The following NEK6 variants were observed in gnomAD, a reference collection of about 807,000 sequenced individuals.
The protein encoded by NEK6 is serine/threonine-protein kinase Nek6.
In NEK6, 27 loss-of-function variants were observed where a neutral mutation model predicts 43.5. The ratio of observed to expected loss-of-function variants is 0.62; its 90% CI spans 0.46 to 0.86. The LOEUF (loss-of-function observed/expected upper bound fraction) is 0.86, where lower values mean the gene tolerates loss of function less well. Among genes scored for constraint, NEK6 ranks in the 40% least tolerant of loss-of-function variants. The pLI is 0.00. For missense variants in NEK6, 318 were observed against 414.4 expected, an observed-to-expected ratio of 0.77 and a Z score of 2.02; for synonymous variants, 167 against 164.1, an observed-to-expected ratio of 1.02 and a Z score of -0.14.
Position 124,351,886 on chromosome 9 carries a change from A to G in NEK6, c.*939A>G, listed in dbSNP as rs1041742498. 3 of 152,508 alleles carry G rather than the reference A, an allele frequency of 2.0e-5. No individual in the cohort carries two copies. Among genetic ancestry groups the G allele is most frequent in the African/African-American group, 7.2e-5 (3 of 41,444 alleles). The allele number at this position is 152,508 out of a possible 1,614,324, so 9.4% of individuals were successfully genotyped here. A position where few individuals can be genotyped will look rare whatever the true frequency, so the allele number is the denominator to read the frequency against. On this transcript the variant is annotated 3_prime_UTR_variant, in exon 10 of 10. Transcript: ENST00000320246. The stretch of plus-strand genomic sequence containing the variant: ...TGACAGACAGAATTTGAAATAAAAT[A>G]TGCAAGTTAGCTAATACAAAAAGTA...
At chr9:124,300,579 G>A (rs529330609) in intron 1 of NEK6, among the ~76,000 whole-genome samples, 146 of 152,164 alleles carry the variant, frequency 9.6e-4, no homozygotes, top group Non-Finnish European at 1.8e-3. Context: ...GGATATGTAG[G>A]CATGGGATTT....
intron 2 of NEK6, among the ~76,000 whole-genome samples, chr9:124,308,706 G>A (rs186854225): frequency 1.6e-4 from 24 of 151,674 alleles, no homozygotes; most frequent in African/African-American, 5.1e-4. Flanking sequence ...CGGGGTGGTC[G>A]GTCATTAGTC....
chr9:124,319,929 A>G lies in NEK6; in HGVS notation c.295-1530A>G, dbSNP rs567857829. ...GATTGCTTTGTGTGCCGCCTTCTGA[A>G]GTCTAGTCACCCTGTGTAAATTACC... On this transcript the variant is annotated intron_variant, in intron 4 of 9. Transcript: ENST00000320246. 3.3e-5 allele frequency among the ~76,000 whole-genome samples: 5 copies of G among 152,278 alleles called. No individual in the cohort carries two copies. The East Asian group carries it at 9.6e-4, about 29-fold the overall frequency.
At chr9:124,337,789 C>T (rs1829367371) in intron 7 of NEK6, among the ~76,000 whole-genome samples, 1 of 152,202 alleles carries the variant, frequency 6.6e-6, no homozygotes. Flanking sequence ...ATAGTGTTGG[C>T]AGTGTTTGGC....
At chr9:124,345,764 G>A (rs1210455139) in intron 8 of NEK6, among the ~76,000 whole-genome samples, 3 of 152,182 alleles carry the variant, frequency 2.0e-5, no homozygotes, top group Non-Finnish European at 4.4e-5. Context: ...CAACTCGGGG[G>A]CACCCAGATC....
chr9:124,266,223 C>G (rs577808770), intron 1 of NEK6, among the ~76,000 whole-genome samples: 1 of 152,158 alleles, frequency 6.6e-6, no homozygotes, highest in African/African-American at 2.4e-5. Context: ...ATGGCCTTAC[C>G]AGGCACTTAC....
intron 8 of NEK6, among the ~76,000 whole-genome samples, chr9:124,340,225 C>G (rs1054527668): frequency 2.0e-5 from 3 of 152,204 alleles, no homozygotes; most frequent in Admixed American, 6.5e-5. Flanking sequence ...GGGACAGGAA[C>G]ATTTCTGAGT....
chr9:124,326,210 C>CCCCCCCCCCCCCCCCCCCCCCCCCCA lies in NEK6; in HGVS notation c.406-117_406-116insCCCCCCCCCCCCCCCCCCCCCCACCC. On this transcript the variant is annotated intron_variant, in intron 5 of 9. Transcript: ENST00000320246. This position sits in a 1 kb window ranked among gnomAD's most constrained non-coding sequence, Gnocchi z 4.5. ...TTTGCTCAGTGGCTCAATCCCCCCC[C>CCCCCCCCCCCCCCCCCCCCCCCCCCA]CCCGCCCCTGCCAGGCACCAGTTAC... The CCCCCCCCCCCCCCCCCCCCCCCCCCA allele has an allele frequency of 5.1e-6, 1 of 197,118 alleles. No individual in the cohort carries two copies. Among genetic ancestry groups the CCCCCCCCCCCCCCCCCCCCCCCCCCA allele is most frequent in the Non-Finnish European group, 1.3e-5 (1 of 78,450 alleles). 12.2% of individuals were successfully genotyped at this position (197,118 alleles called of 1,614,324 possible).
chr9:124,322,484 C>T (rs1834117113), intron 5 of NEK6, among the ~76,000 whole-genome samples: 1 of 152,216 alleles, frequency 6.6e-6, no homozygotes, highest in South Asian at 2.1e-4. Context: ...TCCCCGCCGT[C>T]CTCAAATAGC....
In NEK6 at chr9:124,321,629, A is replaced by G. The variant is rs911232497; in HGVS notation, c.405+60A>G. 5 of 1,138,894 alleles carry G rather than the reference A, an allele frequency of 4.4e-6. 1 individual carries two copies. Among genetic ancestry groups the G allele is most frequent in the South Asian group, 2.5e-5 (2 of 80,176 alleles). The allele number at this position is 1,138,894 out of a possible 1,614,324, so 70.5% of individuals were successfully genotyped here. A position where few individuals can be genotyped will look rare whatever the true frequency, so the allele number is the denominator to read the frequency against. On this transcript the variant is annotated intron_variant, in intron 5 of 9. Transcript: ENST00000320246. ...GCGCAGATCTGGAGCCAAAGGTGGC[A>G]GTCTTCCTTTAGCCCAGTCCCACAA...
intron 4 of NEK6, among the ~76,000 whole-genome samples, chr9:124,314,302 C>T (rs369078728): frequency 6.6e-6 from 1 of 152,262 alleles, no homozygotes; most frequent in South Asian, 2.1e-4. Flanking sequence ...GACCCTGCCT[C>T]GCAGTGGCCT....
At chr9:124,318,950 C>T (rs763407861) in intron 4 of NEK6, among the ~76,000 whole-genome samples, 37 of 151,888 alleles carry the variant, frequency 2.4e-4, no homozygotes, top group Middle Eastern at 3.4e-3. Context: ...GGATTACAGG[C>T]GTGAGCCACT....
At chr9:124,341,446 T>C (rs571360142) in intron 8 of NEK6, among the ~76,000 whole-genome samples, 74 of 7,314 alleles carry the variant, frequency 0.01, no homozygotes, top group African/African-American at 0.018. Context: ...GTGGGACCCC[T>C]TCTCCCAGGG....
rs1193745198 is a variant in NEK6 at position 124,324,622 on chromosome 9, C to A, written c.406-1708C>A. Among the ~76,000 whole-genome samples, 1 of 152,214 alleles carries A rather than the reference C, an allele frequency of 6.6e-6. No individual in the cohort carries two copies. ...CAGCGTGAATAACATCCCGGCCTGG[C>A]CCGCCACAGGCCTGGAGGTGGCCTG... On this transcript the variant is annotated intron_variant, in intron 5 of 9. Transcript: ENST00000320246. The surrounding 1 kb of genome is among the most constrained non-coding windows in gnomAD (Gnocchi z 5.3).
At chr9:124,337,903 T>C (rs1043475967) in intron 7 of NEK6, among the ~76,000 whole-genome samples, 4 of 152,208 alleles carry the variant, frequency 2.6e-5, no homozygotes, top group Non-Finnish European at 4.4e-5. Context: ...ATCGACCTTG[T>C]TTTTCTTTAA....
At chr9:124,267,373 A>G (rs1831270346) in intron 1 of NEK6, among the ~76,000 whole-genome samples, 1 of 152,004 alleles carries the variant, frequency 6.6e-6, no homozygotes, top group Admixed American at 6.5e-5. Flanking sequence ...GTCCGCCTGG[A>G]TTCAGTTACA....
intron 1 of NEK6, chr9:124,299,933 G>A (rs558985076): frequency 7.2e-5 from 11 of 152,254 alleles, no homozygotes; most frequent in South Asian, 2.1e-4. Context: ...TGAGTTGGGC[G>A]TGTTCTGCAG....
chr9:124,294,485 C>T (rs568825983), intron 1 of NEK6, among the ~76,000 whole-genome samples: 2 of 141,648 alleles, frequency 1.4e-5, no homozygotes, highest in African/African-American at 2.5e-5. Flanking sequence ...AAGCAAGACT[C>T]CATCTCAAAA....
At chr9:124,286,221 CTG>C (rs922581482) in intron 1 of NEK6, among the ~76,000 whole-genome samples, 1 of 152,212 alleles carries the variant, frequency 6.6e-6, no homozygotes, top group Non-Finnish European at 1.5e-5. Context: ...TTCTATTCAG[CTG>C]TTAGTTCTTT....
Sources: gnomAD v4.1 joint callset for allele counts (sites outside exome capture counted in the v4.1 genomes callset) on GRCh38, gnomAD v4.1.1 for gene constraint, Gnocchi (gnomAD v3.1) non-coding constraint, MANE v1.5 for transcripts, NCBI Gene and HGNC (gene_info 2026-07-23, HGNC 2026-07-21) for gene names.